The following SUCLG1 variants were observed in gnomAD, a reference collection of about 807,000 sequenced individuals.
SUCLG1 encodes the protein succinate-CoA ligase GDP/ADP-forming subunit alpha, also known as succinate--CoA ligase [ADP/GDP-forming] subunit alpha, mitochondrial.
A neutral mutation model predicts 37.3 loss-of-function variants in SUCLG1; 26 were observed. That is an observed-to-expected ratio of 0.70 (90% confidence interval 0.51 to 0.97). The LOEUF (loss-of-function observed/expected upper bound fraction) is 0.97. SUCLG1 is among the 50% of genes least tolerant of loss of function. The pLI is 0.00. For synonymous variants in SUCLG1, 163 were observed against 155.6 expected (o/e 1.05, Z -0.36); for missense variants, 433 against 432.9 (o/e 1.00, Z 0.00).
rs566802801 is a variant in SUCLG1 at position 84,444,431 on chromosome 2, G to A, written c.202-1031C>T. Among the ~76,000 whole-genome samples the A allele has an allele frequency of 7.9e-5, 12 of 152,274 alleles. No homozygotes were observed. In the South Asian group the frequency reaches 2.3e-3, roughly 29 times the overall value. On this transcript the variant is annotated intron_variant, in intron 2 of 8. Transcript: ENST00000393868. Reference sequence around the variant, plus strand: ...GTTTTTATTAGTGATTTTCAAAAGGGGAGGGAGTGTACAAATAGGGTGTGG... The same window carrying A: ...GTTTTTATTAGTGATTTTCAAAAGGAGAGGGAGTGTACAAATAGGGTGTGG...
chr2:84,440,085 A>C (rs1672744834), intron 5 of SUCLG1, among the ~76,000 whole-genome samples: 1 of 152,208 alleles, frequency 6.6e-6, no homozygotes, highest in African/African-American at 2.4e-5. Context: ...ACATTTAAAA[A>C]GGCTAATAGC....
chr2:84,430,684 T>C (rs1672601197), intron 7 of SUCLG1, among the ~76,000 whole-genome samples: 1 of 152,182 alleles, frequency 6.6e-6, no homozygotes, highest in South Asian at 2.1e-4. Context: ...TTCATACATA[T>C]AGAGAGAAAG....
At chr2:84,445,181 G>A (rs1157880941) in intron 2 of SUCLG1, among the ~76,000 whole-genome samples, 2 of 152,182 alleles carry the variant, frequency 1.3e-5, no homozygotes, top group Non-Finnish European at 2.9e-5. Flanking sequence ...AGAGATTGCA[G>A]TAAAGACAGG....
At chr2:84,453,605 C>T (rs568040747) in intron 1 of SUCLG1, among the ~76,000 whole-genome samples, 11 of 152,160 alleles carry the variant, frequency 7.2e-5, no homozygotes, top group Admixed American at 1.3e-4. Flanking sequence ...TTAGTAGAGA[C>T]GGGGTTTCAC....
chr2:84,454,758 CACAGATAGTA>C (rs1470763204), intron 1 of SUCLG1, among the ~76,000 whole-genome samples: 3 of 152,154 alleles, frequency 2.0e-5, no homozygotes, highest in African/African-American at 7.2e-5. Context: ...TCCTCTTTAC[CACAGATAGTA>C]ACACATCATT....
rs139586901 is a variant in SUCLG1, at chr2:84,444,697, G to A, written c.202-1297C>T. On this transcript the variant is annotated intron_variant, in intron 2 of 8. Coordinates refer to ENST00000393868, the MANE Select transcript of SUCLG1 (RefSeq NM_003849.4). Reference sequence around the variant, plus strand: ...ATCCTAATAAGCCTGGGAGCACTACGGGAGACTGGGGCTTATTTCATCCCT... The same window carrying A: ...ATCCTAATAAGCCTGGGAGCACTACAGGAGACTGGGGCTTATTTCATCCCT... 6.7e-3 allele frequency among the ~76,000 whole-genome samples: 1,025 copies of A among 152,224 alleles called. 9 individuals are homozygous for A. The highest frequency in any genetic ancestry group is 0.023 in the African/African-American group (961 of 41,514).
chr2:84,431,708 T>C (rs1165745566), intron 6 of SUCLG1, 49 bp from the exon 7 acceptor site: 19 of 1,601,048 alleles, frequency 1.2e-5, no homozygotes, highest in Middle Eastern at 3.6e-4. Flanking sequence ...GGGTGAACCA[T>C]GGAATTTAGG....
At chr2:84,445,649 A>G (rs1160696408) in intron 2 of SUCLG1, among the ~76,000 whole-genome samples, 1 of 152,102 alleles carries the variant, frequency 6.6e-6, no homozygotes, top group Non-Finnish European at 1.5e-5. Flanking sequence ...TCTTTCTCAT[A>G]TGTCCCATAT....
At chr2:84,428,710 G>C (rs1444129063) in intron 7 of SUCLG1, among the ~76,000 whole-genome samples, 1 of 152,148 alleles carries the variant, frequency 6.6e-6, no homozygotes, top group African/African-American at 2.4e-5. Flanking sequence ...AAAGACTATG[G>C]GGAAGTGTAG....
chr2:84,441,176 C>T lies in SUCLG1; in HGVS notation c.531+71G>A, dbSNP rs959644451. The T allele has an allele frequency of 8.7e-6, 14 of 1,611,334 alleles. No individual in the cohort carries two copies. The highest frequency in any genetic ancestry group is 3.3e-5 in the Admixed American group (2 of 59,980). On this transcript the variant is annotated intron_variant, in intron 4 of 8. Coordinates refer to ENST00000393868, the MANE Select transcript of SUCLG1 (RefSeq NM_003849.4). Reference sequence around the variant, plus strand: ...CACAGGTCATACACACAAATACACTCGCATTCACTCAAAGCTGTTTAGCCT... The same window carrying T: ...CACAGGTCATACACACAAATACACTTGCATTCACTCAAAGCTGTTTAGCCT...
At chr2:84,446,179 T>C (rs933623176) in intron 2 of SUCLG1, among the ~76,000 whole-genome samples, 12 of 152,238 alleles carry the variant, frequency 7.9e-5, no homozygotes, top group African/African-American at 2.9e-4. Flanking sequence ...CCACCAGGAC[T>C]ACACACACTC....
intron 5 of SUCLG1, among the ~76,000 whole-genome samples, chr2:84,437,992 T>C (rs1359498876): frequency 6.6e-6 from 1 of 152,208 alleles, no homozygotes. Context: ...TCCACTTATA[T>C]AACATTCTTG....
chr2:84,431,812 A>G (rs949765928), intron 6 of SUCLG1, among the ~76,000 whole-genome samples, 153 bp from the exon 7 acceptor site: 2 of 152,226 alleles, frequency 1.3e-5, no homozygotes, highest in Admixed American at 1.3e-4. Context: ...TATTTAAAAA[A>G]TCACAAAATG....
chr2:84,435,002 A>C (rs150569992), intron 5 of SUCLG1, among the ~76,000 whole-genome samples: 6 of 152,342 alleles, frequency 3.9e-5, no homozygotes, highest in Non-Finnish European at 7.4e-5. Context: ...GCATTTCACT[A>C]GACAGTGACA....
At chr2:84,423,810 G>GAA (rs765908201) in intron 8 of SUCLG1, 38 bp from the exon 9 acceptor site, 1 of 1,587,246 alleles carries the variant, frequency 6.3e-7, no homozygotes, top group South Asian at 1.1e-5. Flanking sequence ...GAGATGGAAT[G>GAA]AATAAAGATA....
intron 1 of SUCLG1, among the ~76,000 whole-genome samples, chr2:84,455,312 T>G (rs1489435485): frequency 6.6e-6 from 1 of 151,804 alleles, no homozygotes; most frequent in Non-Finnish European, 1.5e-5. Context: ...CTGACCAACA[T>G]GGAGAAACCC....
chr2:84,426,393 G>C (rs1230717871), intron 7 of SUCLG1: 1 of 152,180 alleles, frequency 6.6e-6, no homozygotes, highest in African/African-American at 2.4e-5. Context: ...CATAGGCCAG[G>C]CATGGTGGCT....
chr2:84,443,999 T>C (rs1372881944), intron 2 of SUCLG1, among the ~76,000 whole-genome samples: 1 of 152,192 alleles, frequency 6.6e-6, no homozygotes, highest in Non-Finnish European at 1.5e-5. Context: ...GATTCTTTCT[T>C]ATGAGAGGTC....
intron 5 of SUCLG1, among the ~76,000 whole-genome samples, chr2:84,439,189 T>TAAAA (rs748791525): frequency 7.2e-5 from 10 of 139,846 alleles, no homozygotes; most frequent in African/African-American, 2.6e-4. Flanking sequence ...TTCTTTTTTT[T>TAAAA]AAAAAAAAAA....
Sources: allele counts gnomAD v4.1 joint callset (sites outside exome capture counted in the v4.1 genomes callset), GRCh38; gene constraint gnomAD v4.1.1; transcripts MANE v1.5; gene names NCBI Gene and HGNC (gene_info 2026-07-23, HGNC 2026-07-21).